The following DENND3 variants were observed in gnomAD, a reference collection of about 807,000 sequenced individuals.
DENND3 encodes the protein DENN domain containing 3, also known as DENN domain-containing protein 3.
Under a neutral mutation model 135.1 loss-of-function variants are expected in DENND3, and 88 were observed. That is an observed-to-expected ratio of 0.65 (90% confidence interval 0.55 to 0.78). The LOEUF (loss-of-function observed/expected upper bound fraction) is 0.78, where lower values mean the gene tolerates loss of function less well. Among genes scored for constraint, DENND3 ranks in the 30% least tolerant of loss-of-function variants. DENND3 has a pLI of 0.00. For missense variants in DENND3, 1,392 were observed against 1,688.4 expected (o/e 0.82, Z 3.08); for synonymous variants, 693 against 712.3 (o/e 0.97, Z 0.43).
At chr8:141,186,250 C>T (rs1823874350) in intron 18 of DENND3, among the ~76,000 whole-genome samples, 1 of 152,122 alleles carries the variant, frequency 6.6e-6, no homozygotes, top group Admixed American at 6.5e-5. Context: ...CTGGTGTTTC[C>T]TGGTGGCACA....
chr8:141,153,092 C>CT (rs35650187), intron 7 of DENND3, among the ~76,000 whole-genome samples: 2,799 of 119,362 alleles, frequency 0.023, 77 homozygotes, highest in African/African-American at 0.035. Flanking sequence ...CAATATCTTT[C>CT]TTTTTTTTTT....
intron 13 of DENND3, chr8:141,173,526 C>T (rs79150017): frequency 0.11 from 16,900 of 152,196 alleles, 1,398 homozygotes; most frequent in East Asian, 0.4. Context: ...GTGACAGCGC[C>T]GACTTCCTTC....
rs1238774477 is a variant in DENND3, at chr8:141,167,249, T to A, written c.1754-755T>A. On this transcript the variant is annotated intron_variant, in intron 12 of 22. Coordinates refer to ENST00000519811, the MANE Select transcript of DENND3 (RefSeq NM_001352890.3). This position sits in a 1 kb window ranked among gnomAD's most constrained non-coding sequence, Gnocchi z 4.1. ...GTGACCCTGGGCAGGCAGCTTCACC[T>A]CCCTGGTTCTGCAGTTCCTCTTCTG... Among the ~76,000 whole-genome samples, 1 of 152,130 alleles carries A rather than the reference T, an allele frequency of 6.6e-6. No homozygotes were observed. Among genetic ancestry groups the A allele is most frequent in the Admixed American group, 6.5e-5 (1 of 15,276 alleles).
In DENND3 at chr8:141,176,779, C is replaced by T; in HGVS notation, c.2706+18C>T. 5 of 1,606,476 alleles carry T rather than the reference C, an allele frequency of 3.1e-6. No individual in the cohort carries two copies. The South Asian group carries it at 5.5e-5, about 18-fold the overall frequency. ...ACCACAAGGTGGGAGACGCGGGTCCCCTCTGCCCTTTGCTGTGGCTGCCTC... is the reference window on the plus strand; with the variant it reads ...ACCACAAGGTGGGAGACGCGGGTCCTCTCTGCCCTTTGCTGTGGCTGCCTC... On this transcript the variant is annotated intron_variant, in intron 15 of 22. Coordinates refer to ENST00000519811, the MANE Select transcript of DENND3 (RefSeq NM_001352890.3).
In DENND3 at chr8:141,151,784, C is replaced by G. The variant is rs1226935325; in HGVS notation, c.1021C>G (p.Pro341Ala). 1 of 1,614,124 alleles carries G rather than the reference C, an allele frequency of 6.2e-7. No individual in the cohort carries two copies. Among genetic ancestry groups the G allele is most frequent in the East Asian group, 2.2e-5 (1 of 44,900 alleles). ...CCAGATGCTGGATTTCGTCATGGCC[C>G]CCACGTCCTTCCTGATGGGCTGCCA... ...SDQMLDFVMA[P>A]TSFLMGCHLD... Residue 341 changes from proline (P) to alanine (A), a missense_variant, in exon 7 of 23, where the codon CCC becomes GCC. Physicochemically the swap from Pro to Ala is conservative, Grantham distance 27. Coordinates refer to ENST00000519811, the MANE Select transcript of DENND3 (RefSeq NM_001352890.3).
intron 22 of DENND3, chr8:141,193,108 T>C: frequency 6.9e-6 from 2 of 291,596 alleles, no homozygotes; most frequent in South Asian, 3.2e-5. Context: ...TGGCACTCTC[T>C]CTCCCTGTGT....
rs57171090 is a variant in DENND3, at chr8:141,168,619, C to T, written c.2275+94C>T. ...CTGGAGTGGACTGGCAATCACAGCT[C>T]ACTGCAACCTCCACCTCCTGGGCTC... On this transcript the variant is annotated intron_variant, in intron 13 of 22. Transcript: ENST00000519811. This position sits in a 1 kb window ranked among gnomAD's most constrained non-coding sequence, Gnocchi z 6.2. The T allele has an allele frequency of 0.27, 390,574 of 1,441,450 alleles. 53,725 individuals are homozygous for T. Among genetic ancestry groups the T allele is most frequent in the Non-Finnish European group, 0.28 (307,615 of 1,080,916 alleles). 89.3% of individuals were successfully genotyped at this position (1,441,450 alleles called of 1,614,324 possible).
intron 4 of DENND3, among the ~76,000 whole-genome samples, chr8:141,143,284 T>TA (rs1817681799): frequency 6.6e-6 from 1 of 152,236 alleles, no homozygotes; most frequent in African/African-American, 2.4e-5. Flanking sequence ...AATTTTTTTT[T>TA]ATTATACTTT....
chr8:141,150,965 C>G lies in DENND3; in HGVS notation c.855+12C>G, dbSNP rs3816063. 6.6e-7 allele frequency: 1 copy of G among 1,520,232 alleles called. No individual in the cohort carries two copies. 94.2% of individuals were successfully genotyped at this position (1,520,232 alleles called of 1,614,324 possible). On this transcript the variant is annotated intron_variant, in intron 6 of 22. Coordinates refer to ENST00000519811, the MANE Select transcript of DENND3 (RefSeq NM_001352890.3). ...AGAAGGTGCTACAGGTACGCGGCCCCGCCCCGGCGAGCGCGTCTTGTGCTC... is the reference window on the plus strand; with the variant it reads ...AGAAGGTGCTACAGGTACGCGGCCCGGCCCCGGCGAGCGCGTCTTGTGCTC...
intron 13 of DENND3, among the ~76,000 whole-genome samples, chr8:141,169,954 C>G (rs1321192572): frequency 6.6e-6 from 1 of 152,230 alleles, no homozygotes; most frequent in Non-Finnish European, 1.5e-5. Context: ...GTCAGTTCCT[C>G]TGAGATGTGT....
rs761678871 is a variant in DENND3 at position 141,192,510 on chromosome 8, G to A, written c.3499-16G>A. ...TGGCCCGGGGCCCATAGCCCACACC[G>A]TGCCCTGCGTTTCAGGAGGAGCAGC... On this transcript the variant is annotated splice_polypyrimidine_tract_variant and intron_variant, in intron 21 of 22. Transcript: ENST00000519811. 48 of 1,603,810 alleles carry A rather than the reference G, an allele frequency of 3.0e-5. No individual in the cohort carries two copies. Among genetic ancestry groups the A allele is most frequent in the African/African-American group, 4.0e-5 (3 of 74,600 alleles).
At chr8:141,133,100 G>A (rs565293563) in intron 1 of DENND3, among the ~76,000 whole-genome samples, 5 of 152,328 alleles carry the variant, frequency 3.3e-5, no homozygotes, top group Admixed American at 1.3e-4. Context: ...TCCTGGCTGC[G>A]GGGTGGCAGA....
At position 141,175,611 on chromosome 8, in the gene DENND3, C is replaced by G; in HGVS notation, c.2535+152C>G. On this transcript the variant is annotated intron_variant, in intron 14 of 22. Coordinates refer to ENST00000519811, the MANE Select transcript of DENND3 (RefSeq NM_001352890.3). This position sits in a 1 kb window ranked among gnomAD's most constrained non-coding sequence, Gnocchi z 5.4. ...CCTTCCTGTCCCTCAGTTTGCTCAT[C>G]TGTAAAGTAGGAATAAGGCTGATAC... The G allele has an allele frequency of 8.2e-7, 1 of 1,215,728 alleles. No individual in the cohort carries two copies. Among genetic ancestry groups the G allele is most frequent in the Non-Finnish European group, 1.2e-6 (1 of 848,090 alleles). 75.3% of individuals were successfully genotyped at this position (1,215,728 alleles called of 1,614,324 possible).
intron 8 of DENND3, chr8:141,157,476 T>C: frequency 1.0e-6 from 1 of 985,622 alleles, no homozygotes; most frequent in Middle Eastern, 5.2e-4. Flanking sequence ...AGGCCCTGAG[T>C]GCGGTCGTGG....
Position 141,178,166 on chromosome 8 carries a change from T to A in DENND3, c.2806T>A (p.Leu936Ile). 1 of 1,612,872 alleles carries A rather than the reference T, an allele frequency of 6.2e-7. No homozygotes were observed. The change falls in exon 16 of 23, where the codon TTA (leucine) becomes ATA (isoleucine). Residue 936 changes from leucine to isoleucine, a missense_variant. Transcript: ENST00000519811. ...AGGCGCCATCTACGCTGCCTCCAAG[T>A]TATCCTACTTTGATAAGATGAGTAA... ...SPGAIYAASK[L>I]SYFDKMSNEM...
At chr8:141,192,778 C>T (rs750500660) in intron 22 of DENND3, 115 bp downstream of exon 22, 14 of 1,599,558 alleles carry the variant, frequency 8.8e-6, no homozygotes, top group African/African-American at 1.3e-5. Context: ...GCCTTCGCCT[C>T]TCAGGGTTCC....
intron 13 of DENND3, among the ~76,000 whole-genome samples, chr8:141,173,989 G>A (rs1052431467): frequency 6.6e-6 from 1 of 152,226 alleles, no homozygotes; most frequent in African/African-American, 2.4e-5. Flanking sequence ...GGAAGCAGGT[G>A]TGCAGCTCAG....
intron 18 of DENND3, 177 bp downstream of exon 18, chr8:141,185,455 C>A: frequency 1.3e-6 from 1 of 773,802 alleles, no homozygotes. Context: ...AAGCTTGTTC[C>A]AAACTTCTAC....
rs1819167291 is a variant in DENND3 at position 141,154,273 on chromosome 8, A to G, written c.1075-1576A>G. Among the ~76,000 whole-genome samples the G allele has an allele frequency of 6.6e-6, 1 of 152,142 alleles. No individual in the cohort carries two copies. The highest frequency in any genetic ancestry group is 1.5e-5 in the Non-Finnish European group (1 of 68,018). On this transcript the variant is annotated intron_variant, in intron 7 of 22. Transcript: ENST00000519811. This position sits in a 1 kb window ranked among gnomAD's most constrained non-coding sequence, Gnocchi z 4.4. ...TTGAAGTGCAGGGCTCGGGTGCGTG[A>G]CTCAGTATTTGTGTACTCTGTCACA...
Sources: allele counts gnomAD v4.1 joint callset (sites outside exome capture counted in the v4.1 genomes callset), GRCh38; gene constraint gnomAD v4.1.1; non-coding constraint Gnocchi (gnomAD v3.1); transcripts MANE v1.5; gene names NCBI Gene and HGNC (gene_info 2026-07-23, HGNC 2026-07-21).